EVI5: variants seen among roughly 807,000 people sequenced by gnomAD.
EVI5 encodes the protein ecotropic viral integration site 5, also known as ecotropic viral integration site 5 protein homolog.
Under a neutral mutation model 112.0 loss-of-function variants are expected in EVI5, and 73 were observed. The observed-to-expected ratio is 0.65, with a 90% CI of 0.54 to 0.79. The LOEUF is 0.79. Among genes scored for constraint, EVI5 ranks in the 30% least tolerant of loss-of-function variants. The pLI, the probability that EVI5 is intolerant of heterozygous loss-of-function variation, is 0.00. For missense variants in EVI5, 900 were observed against 968.8 expected, an observed-to-expected ratio of 0.93 and a Z score of 0.94; for synonymous variants, 305 against 319.9, an observed-to-expected ratio of 0.95 and a Z score of 0.50.
At position 92,684,063 on chromosome 1, in the gene EVI5, T is replaced by C. The variant is rs189873844; in HGVS notation, c.1098-6845A>G. Among the ~76,000 whole-genome samples the C allele has an allele frequency of 2.0e-4, 31 of 152,222 alleles. No individual in the cohort carries two copies. In the East Asian group the frequency reaches 5.2e-3, roughly 26 times the overall value. ...GGAAAAACAGAGAACACCACAAAGA[T>C]ACTCCTCGAGAAGAGCAATCCCAAG... On this transcript the variant is annotated intron_variant, in intron 9 of 19. Coordinates refer to ENST00000684568, the MANE Select transcript of EVI5 (RefSeq NM_001350197.2).
intron 19 of EVI5, among the ~76,000 whole-genome samples, chr1:92,549,254 T>A (rs2100728892): frequency 1.3e-5 from 2 of 152,296 alleles, no homozygotes; most frequent in East Asian, 3.9e-4. Context: ...GGGAAAGGAT[T>A]CCCTATTTAA....
At chr1:92,674,725 A>T (rs1371622528) in intron 10 of EVI5, among the ~76,000 whole-genome samples, 7 of 151,642 alleles carry the variant, frequency 4.6e-5, no homozygotes, top group Non-Finnish European at 1.0e-4. Flanking sequence ...AAAATCAGAC[A>T]CCCCTAAATA....
At chr1:92,558,641 T>C (rs937722426) in intron 19 of EVI5, among the ~76,000 whole-genome samples, 1 of 152,102 alleles carries the variant, frequency 6.6e-6, no homozygotes, top group African/African-American at 2.4e-5. Context: ...TCTCACTCTT[T>C]CTCTTCTACA....
At chr1:92,783,395 G>A (rs1212866459) in intron 1 of EVI5, among the ~76,000 whole-genome samples, 3 of 148,646 alleles carry the variant, frequency 2.0e-5, no homozygotes, top group Admixed American at 6.7e-5. Flanking sequence ...TTAGCCGGGC[G>A]TGGTGATGTA....
At chr1:92,779,423 C>T (rs11164810) in intron 1 of EVI5, among the ~76,000 whole-genome samples, 92,078 of 151,646 alleles carry the variant, frequency 0.61, 28,804 homozygotes, top group East Asian at 0.91. Context: ...CTTGGAGGGC[C>T]GAGACGGGGA....
upstream of EVI5, among the ~76,000 whole-genome samples, chr1:92,785,463 C>T (rs1685532879): frequency 6.6e-6 from 1 of 152,246 alleles, no homozygotes; most frequent in Non-Finnish European, 1.5e-5. Flanking sequence ...GCGGTGCTGA[C>T]GCGCATGCTT....
intron 2 of EVI5, among the ~76,000 whole-genome samples, chr1:92,711,719 C>T (rs1672878241): frequency 1.3e-5 from 2 of 152,202 alleles, no homozygotes; most frequent in African/African-American, 4.8e-5. Context: ...TCAAACATCT[C>T]TTTGTAATGT....
chr1:92,728,318 G>A (rs1006874330), intron 2 of EVI5, among the ~76,000 whole-genome samples: 2 of 151,494 alleles, frequency 1.3e-5, no homozygotes, highest in African/African-American at 2.4e-5. Context: ...TAAACAGAAA[G>A]CCAACAAAGA....
chr1:92,782,310 A>G (rs1684972532), intron 1 of EVI5, among the ~76,000 whole-genome samples: 1 of 151,774 alleles, frequency 6.6e-6, no homozygotes, highest in African/African-American at 2.4e-5. Flanking sequence ...ATCTCCAGGC[A>G]TGAAAAAAAA....
At chr1:92,551,914 TG>T (rs1666998421) in intron 19 of EVI5, among the ~76,000 whole-genome samples, 1 of 152,216 alleles carries the variant, frequency 6.6e-6, no homozygotes, top group South Asian at 2.1e-4. Context: ...TGGTTTCTCA[TG>T]ATTTATATTT....
At chr1:92,588,184 G>C (rs1673117232) in intron 18 of EVI5, among the ~76,000 whole-genome samples, 1 of 151,998 alleles carries the variant, frequency 6.6e-6, no homozygotes, top group Non-Finnish European at 1.5e-5. Flanking sequence ...AGTATTTTTT[G>C]AATCAGTTCA....
At chr1:92,716,277 C>G (rs1182636) in intron 2 of EVI5, among the ~76,000 whole-genome samples, 20 of 152,118 alleles carry the variant, frequency 1.3e-4, no homozygotes, top group African/African-American at 4.1e-4. Flanking sequence ...AAAGATCAGG[C>G]AGCAATATTT....
intron 1 of EVI5, among the ~76,000 whole-genome samples, chr1:92,754,162 T>C (rs1680579746): frequency 1.3e-5 from 2 of 152,196 alleles, no homozygotes; most frequent in African/African-American, 4.8e-5. Context: ...TATCCAACAA[T>C]GACTCATGAT....
intron 1 of EVI5, among the ~76,000 whole-genome samples, chr1:92,755,105 A>G (rs1680749903): frequency 8.3e-6 from 1 of 120,216 alleles, no homozygotes; most frequent in East Asian, 2.7e-4. Context: ...TGAAATATTC[A>G]TTATAAAAAA....
At position 92,785,005 on chromosome 1, in the gene EVI5, C is replaced by A; in HGVS notation, c.-251G>T. On this transcript the variant is annotated 5_prime_UTR_variant, in exon 1 of 20. Transcript: ENST00000684568. Reference sequence around the variant, plus strand: ...AAGCTCAGGGCCGCCTCGCGACCCTCACCTACCCCTCCCGGCACCGCCGCT... The same window carrying A: ...AAGCTCAGGGCCGCCTCGCGACCCTAACCTACCCCTCCCGGCACCGCCGCT... 1.0e-6 allele frequency: 1 copy of A among 985,562 alleles called. No homozygotes were observed. Among genetic ancestry groups the A allele is most frequent in the Non-Finnish European group, 1.2e-6 (1 of 830,058 alleles). 61.1% of individuals were successfully genotyped at this position (985,562 alleles called of 1,614,324 possible).
chr1:92,733,056 TAAAAAAAAAA>T, intron 2 of EVI5: 1 of 177,030 alleles, frequency 5.6e-6, no homozygotes, highest in Admixed American at 5.0e-5. Context: ...CCATTTTATT[TAAAAAAAAAA>T]AAGAAAAAAA....
At chr1:92,752,477 C>G (rs1054819009) in intron 1 of EVI5, among the ~76,000 whole-genome samples, 3 of 152,110 alleles carry the variant, frequency 2.0e-5, no homozygotes, top group African/African-American at 7.2e-5. Flanking sequence ...CTGCACCCAG[C>G]CTAATGAAAC....
chr1:92,575,540 T>A (rs1670925149), intron 18 of EVI5, among the ~76,000 whole-genome samples: 1 of 150,882 alleles, frequency 6.6e-6, no homozygotes. Flanking sequence ...CCTCTTTTAA[T>A]CTACAAGAGT....
At chr1:92,546,237 T>A (rs1472195027) in intron 19 of EVI5, among the ~76,000 whole-genome samples, 1 of 152,158 alleles carries the variant, frequency 6.6e-6, no homozygotes, top group East Asian at 1.9e-4. Flanking sequence ...ATATACGAAG[T>A]GAATTGGCAT....
Sources: gnomAD v4.1 joint callset for allele counts (sites outside exome capture counted in the v4.1 genomes callset) on GRCh38, gnomAD v4.1.1 for gene constraint, MANE v1.5 for transcripts, NCBI Gene and HGNC (gene_info 2026-07-23, HGNC 2026-07-21) for gene names.